Variants in PPP1R12A observed in about 807,000 individuals in gnomAD.
PPP1R12A encodes myosin binding subunit.
A neutral mutation model predicts 139.6 loss-of-function variants in PPP1R12A; 19 were observed. That is an observed-to-expected ratio of 0.14 (90% CI 0.09 to 0.20). The LOEUF (loss-of-function observed/expected upper bound fraction) is 0.20. PPP1R12A is among the 10% of genes least tolerant of loss of function. The pLI is 1.00. For missense variants in PPP1R12A, 925 were observed against 1,211.5 expected (o/e 0.76, Z 3.51); for synonymous variants, 427 against 420.6 (o/e 1.02, Z -0.19).
chr12:79,878,699 A>G (rs1466096038), intron 1 of PPP1R12A, among the ~76,000 whole-genome samples: 4 of 152,120 alleles, frequency 2.6e-5, no homozygotes, highest in African/African-American at 9.7e-5. Flanking sequence ...AGAAGCGCCG[A>G]GCAAAACAGG....
At chr12:79,915,543 G>A (rs998997307) in intron 1 of PPP1R12A, among the ~76,000 whole-genome samples, 1 of 152,026 alleles carries the variant, frequency 6.6e-6, no homozygotes, top group Non-Finnish European at 1.5e-5. Flanking sequence ...CAGGCTTGCT[G>A]TTAAACTTCC....
At chr12:79,843,929 TC>T (rs1879083032) in intron 3 of PPP1R12A, among the ~76,000 whole-genome samples, 1 of 152,040 alleles carries the variant, frequency 6.6e-6, no homozygotes, top group African/African-American at 2.4e-5. Context: ...GGTCTCAAGC[TC>T]CTGACCTCGT....
rs964068626 is a variant in PPP1R12A at position 79,796,694 on chromosome 12, C to G, written c.2461+88G>C. ...ATGAATCACAAGTTAGGATGCTGTT[C>G]CTTTACTGTTGAATTATTATTTAGG... On this transcript the variant is annotated intron_variant, in intron 17 of 24. Coordinates refer to ENST00000450142, the MANE Select transcript of PPP1R12A (RefSeq NM_002480.3). The G allele has an allele frequency of 9.2e-6, 10 of 1,088,962 alleles. No homozygotes were observed. The African/African-American group carries it at 1.6e-4, about 18-fold the overall frequency. 67.5% of individuals were successfully genotyped at this position (1,088,962 alleles called of 1,614,324 possible).
intron 14 of PPP1R12A, among the ~76,000 whole-genome samples, chr12:79,800,630 A>G (rs1388628259): frequency 3.3e-5 from 5 of 151,602 alleles, no homozygotes; most frequent in Non-Finnish European, 5.9e-5. Flanking sequence ...GGTCAACTGT[A>G]TCTCTATCTT....
At chr12:79,879,242 C>T (rs1324785079) in intron 1 of PPP1R12A, among the ~76,000 whole-genome samples, 6 of 151,876 alleles carry the variant, frequency 4.0e-5, no homozygotes, top group Non-Finnish European at 7.4e-5. Flanking sequence ...TAGCCAGGCA[C>T]GGTGGCACAT....
At chr12:79,829,058 G>A (rs1877112354) in intron 4 of PPP1R12A, among the ~76,000 whole-genome samples, 1 of 151,952 alleles carries the variant, frequency 6.6e-6, no homozygotes, top group Non-Finnish European at 1.5e-5. Flanking sequence ...CTGAGCAGTA[G>A]AAAGCAGATA....
intron 6 of PPP1R12A, 38 bp downstream of exon 6, chr12:79,822,078 G>T: frequency 7.6e-7 from 1 of 1,321,280 alleles, no homozygotes; most frequent in South Asian, 1.3e-5. Context: ...AAATTATTAA[G>T]GTAAGTAATA....
chr12:79,857,081 G>A, intron 2 of PPP1R12A, among the ~76,000 whole-genome samples: 1 of 152,102 alleles, frequency 6.6e-6, no homozygotes, highest in East Asian at 1.9e-4. Flanking sequence ...CCCATTACTG[G>A]GTATATACCC....
chr12:79,872,883 T>A lies in PPP1R12A; in HGVS notation c.293A>T (p.Asn98Ile). The change falls in exon 2 of 25, where the codon AAT (asparagine) becomes ATT (isoleucine). Residue 98 changes from asparagine (N) to isoleucine (I), a missense_variant. By Grantham distance (149) the Asn-to-Ile change is moderately radical. This residue lies in a region of PPP1R12A where 199 missense variants were observed against 352.4 expected (regional missense o/e 0.56). Coordinates refer to ENST00000450142, the MANE Select transcript of PPP1R12A (RefSeq NM_002480.3). ...GCCTTCATTATCAGGTTGATTAATA[T>A]TTGCTCCATTTTCTACCAGAAACTT... ...MVKFLVENGA[N>I]INQPDNEGWI... is the part of the protein sequence containing the mutation. The A allele has an allele frequency of 6.2e-7, 1 of 1,613,436 alleles. No individual in the cohort carries two copies. Among genetic ancestry groups the A allele is most frequent in the Non-Finnish European group, 8.5e-7 (1 of 1,179,612 alleles).
chr12:79,787,272 A>G (rs1410546540), intron 21 of PPP1R12A: 1 of 152,182 alleles, frequency 6.6e-6, no homozygotes, highest in Non-Finnish European at 1.5e-5. Flanking sequence ...AATGGCCTAT[A>G]AGGCACTGCA....
chr12:79,916,931 A>T (rs996818173), intron 1 of PPP1R12A, among the ~76,000 whole-genome samples: 2 of 151,736 alleles, frequency 1.3e-5, no homozygotes, highest in Non-Finnish European at 2.9e-5. Flanking sequence ...GTTGTAAAAG[A>T]TCCAAAAGTA....
At chr12:79,782,182 G>A (rs2136974949) in intron 22 of PPP1R12A, 1 of 183,980 alleles carries the variant, frequency 5.4e-6, no homozygotes, top group South Asian at 1.6e-4. Context: ...TCCTTCTGAA[G>A]CTCAAATTCT....
intron 3 of PPP1R12A, among the ~76,000 whole-genome samples, chr12:79,835,785 C>G (rs924000290): frequency 1.3e-5 from 2 of 152,150 alleles, no homozygotes; most frequent in Non-Finnish European, 2.9e-5. Context: ...AGTCTTTCTC[C>G]CTTACCATCA....
chr12:79,788,012 A>AT (rs1206299315), intron 21 of PPP1R12A: 2 of 152,270 alleles, frequency 1.3e-5, no homozygotes, highest in African/African-American at 4.8e-5. Flanking sequence ...TCTACTTAGC[A>AT]TAGTTCAGTT....
At chr12:79,918,994 T>C (rs1887221241) in intron 1 of PPP1R12A, among the ~76,000 whole-genome samples, 1 of 151,866 alleles carries the variant, frequency 6.6e-6, no homozygotes, top group Non-Finnish European at 1.5e-5. Context: ...CATGCGCCTG[T>C]AATCCCAGCT....
In PPP1R12A at chr12:79,774,078, A is replaced by G. The variant is rs2136951077; in HGVS notation, c.*1851T>C. On this transcript the variant is annotated 3_prime_UTR_variant, in exon 25 of 25. Coordinates refer to ENST00000450142, the MANE Select transcript of PPP1R12A (RefSeq NM_002480.3). Reference sequence around the variant, plus strand: ...ACAAATATAAACCATAGCATGCCTAACTGTTGTGCAACCAGAACATGTTGC... The same window carrying G: ...ACAAATATAAACCATAGCATGCCTAGCTGTTGTGCAACCAGAACATGTTGC... 6.6e-6 allele frequency: 1 copy of G among 152,302 alleles called. No homozygotes were observed. The highest frequency in any genetic ancestry group is 1.9e-4 in the East Asian group (1 of 5,172). 9.4% of individuals were successfully genotyped at this position (152,302 alleles called of 1,614,324 possible).
intron 3 of PPP1R12A, 32 bp downstream of exon 3, chr12:79,845,270 C>A: frequency 6.8e-7 from 1 of 1,480,128 alleles, no homozygotes; most frequent in Non-Finnish European, 9.3e-7. Flanking sequence ...CTTTCTAAAA[C>A]ATTTTTCCAT....
intron 2 of PPP1R12A, among the ~76,000 whole-genome samples, chr12:79,854,758 A>G (rs1880434338): frequency 6.6e-6 from 1 of 151,954 alleles, no homozygotes; most frequent in African/African-American, 2.4e-5. Flanking sequence ...TGCAGCCTCA[A>G]ACTCCTGGGC....
chr12:79,782,701 A>T lies in PPP1R12A; in HGVS notation c.2908-839T>A. The T allele has an allele frequency of 3.6e-5, 12 of 335,420 alleles. 1 individual carries two copies. The highest frequency in any genetic ancestry group is 4.3e-4 in the Middle Eastern group (1 of 2,328). 20.8% of individuals were successfully genotyped at this position (335,420 alleles called of 1,614,324 possible). A position where few individuals can be genotyped will look rare whatever the true frequency, so the allele number is the denominator to read the frequency against. ...TATTTACATTGATCTCTGTACAAAC[A>T]TCTCCCTTGGAATTCCTGGTCAATT... On this transcript the variant is annotated intron_variant, in intron 22 of 24. Coordinates refer to ENST00000450142, the MANE Select transcript of PPP1R12A (RefSeq NM_002480.3).
Sources: allele counts gnomAD v4.1 joint callset (sites outside exome capture counted in the v4.1 genomes callset), GRCh38; gene constraint gnomAD v4.1.1; regional missense constraint gnomAD v4.1.1; transcripts MANE v1.5; gene names NCBI Gene and HGNC (gene_info 2026-07-23, HGNC 2026-07-21).